The following UBR4 variants were observed in gnomAD, a reference collection of about 807,000 sequenced individuals.
The protein encoded by UBR4 is E3 ubiquitin-protein ligase UBR4.
In UBR4, 124 loss-of-function variants were observed where a neutral mutation model predicts 575.6. That is an observed-to-expected ratio of 0.22 (90% CI 0.19 to 0.25). The LOEUF (loss-of-function observed/expected upper bound fraction) is 0.25. Ranked by LOEUF, UBR4 falls within the 10% of genes least tolerant of loss-of-function variation. The pLI, the probability that UBR4 is intolerant of heterozygous loss-of-function variation, is 1.00. For synonymous variants in UBR4, 2,455 were observed against 2,473.7 expected (o/e 0.99, Z 0.22); for missense variants, 4,818 against 6,478.8 (o/e 0.74, Z 8.80).
intron 2 of UBR4, among the ~76,000 whole-genome samples, chr1:19,200,967 G>C (rs2092715598): frequency 6.6e-6 from 1 of 152,130 alleles, no homozygotes; most frequent in Non-Finnish European, 1.5e-5. Context: ...AACATAGAGA[G>C]ACCCTGTCAC....
At chr1:19,122,074 C>T (rs1047994960) in intron 66 of UBR4, 62 bp from the exon 67 acceptor site, 3 of 1,532,510 alleles carry the variant, frequency 2.0e-6, no homozygotes, top group Admixed American at 1.7e-5. Flanking sequence ...ACAAGCACCA[C>T]ACCTGCTGCC....
chr1:19,126,739 C>T, intron 63 of UBR4, 84 bp from the exon 64 acceptor site: 1 of 1,396,376 alleles, frequency 7.2e-7, no homozygotes, highest in Non-Finnish European at 1.0e-6. Flanking sequence ...GGATGGGAAA[C>T]ACACTCACAA....
intron 87 of UBR4, among the ~76,000 whole-genome samples, chr1:19,103,622 G>A (rs754084331): frequency 9.2e-5 from 14 of 152,138 alleles, no homozygotes; most frequent in African/African-American, 3.1e-4. Context: ...AATTCAACAG[G>A]TAGATTAAAC....
Position 19,119,599 on chromosome 1 carries a change from T to A in UBR4, c.10413A>T (p.Leu3471=). 1 of 1,614,084 alleles carries A rather than the reference T, an allele frequency of 6.2e-7. No homozygotes were observed. The highest frequency in any genetic ancestry group is 8.5e-7 in the Non-Finnish European group (1 of 1,179,920). Residue 3471 remains leucine (L), a synonymous_variant, in exon 70 of 106, where the codon CTA becomes CTT. Transcript: ENST00000375254. ...GAGTTTTCAGGGAGAAATATCCTAG[T>A]AGGTCCACAAACTGGGCAGCCTTAC... is the stretch of plus-strand genomic sequence containing the variant. ...YGRKAAQFVD[L]LGYFSLKTPQ... is the part of the protein sequence containing the mutation.
chr1:19,195,674 T>C (rs1386246349), intron 8 of UBR4, among the ~76,000 whole-genome samples: 1 of 152,186 alleles, frequency 6.6e-6, no homozygotes, highest in Non-Finnish European at 1.5e-5. Context: ...TTTCTACTCT[T>C]AATGCTGCTG....
At position 19,105,802 on chromosome 1, in the gene UBR4, G is replaced by A. The variant is rs757821557; in HGVS notation, c.12434C>T (p.Ala4145Val). ...GGCTAGAGCTTCCACAATGGTACAG[G>A]CTGCCTGCCGTGCGGCCTGCGTTGC... ...TPATQAARQA[A>V]CTIVEALATI... The change falls in exon 84 of 106, where the codon GCC becomes GTC. Residue 4145 changes from alanine to valine, a missense_variant. Physicochemically the swap from Ala to Val is moderately conservative, Grantham distance 64. This residue lies in a region of UBR4 where 178 missense variants were observed against 175.5 expected (regional missense o/e 1.01). Transcript: ENST00000375254. 3 of 1,610,464 alleles carry A rather than the reference G, an allele frequency of 1.9e-6. No individual in the cohort carries two copies. The highest frequency in any genetic ancestry group is 2.2e-5 in the East Asian group (1 of 44,516).
intron 8 of UBR4, among the ~76,000 whole-genome samples, chr1:19,193,955 T>C (rs1049261605): frequency 6.6e-6 from 1 of 152,186 alleles, no homozygotes; most frequent in Non-Finnish European, 1.5e-5. Flanking sequence ...ATCCTGCTTA[T>C]TGTATGATTC....
intron 92 of UBR4, 184 bp from the exon 93 acceptor site, chr1:19,095,836 G>A: frequency 1.8e-6 from 1 of 561,612 alleles, no homozygotes; most frequent in Middle Eastern, 4.7e-4. Flanking sequence ...TCTCACATTA[G>A]GCTGGTAGCT....
intron 60 of UBR4, among the ~76,000 whole-genome samples, chr1:19,134,615 T>C (rs2082978581): frequency 6.6e-6 from 1 of 152,188 alleles, no homozygotes; most frequent in African/African-American, 2.4e-5. Flanking sequence ...CAACTTGACC[T>C]TCTGGCTGCC....
intron 1 of UBR4, among the ~76,000 whole-genome samples, chr1:19,209,180 C>A (rs942621272): frequency 6.6e-6 from 1 of 152,174 alleles, no homozygotes; most frequent in African/African-American, 2.4e-5. Flanking sequence ...CATCGTGAAG[C>A]TAAAATGACC....
Position 19,106,675 on chromosome 1 carries a change from T to C in UBR4, c.12287A>G (p.Tyr4096Cys). 3.1e-6 allele frequency: 5 copies of C among 1,610,122 alleles called. No individual in the cohort carries two copies. Among genetic ancestry groups the C allele is most frequent in the Non-Finnish European group, 3.4e-6 (4 of 1,177,858 alleles). Residue 4096 changes from tyrosine to cysteine, a missense_variant, in exon 83 of 106, where the codon TAT becomes TGT. Physicochemically the swap from Tyr to Cys is radical, Grantham distance 194 (BLOSUM62 -2). Transcript: ENST00000375254. ...APSKSELRHL[Y>C]LTEKYVWRWK... ...CCTCCACACATACTTCTCAGTCAAATAGAGATGGCGGAGCTCTGATTTGCT... is the reference window on the plus strand; with the variant it reads ...CCTCCACACATACTTCTCAGTCAAACAGAGATGGCGGAGCTCTGATTTGCT...
At chr1:19,098,738 AT>A (rs2078312456) in intron 90 of UBR4, among the ~76,000 whole-genome samples, 1 of 152,232 alleles carries the variant, frequency 6.6e-6, no homozygotes, top group Admixed American at 6.5e-5. Context: ...TATGTAACAA[AT>A]TGAAGATCAA....
At chr1:19,142,572 T>C (rs1302078640) in intron 55 of UBR4, among the ~76,000 whole-genome samples, 1 of 152,220 alleles carries the variant, frequency 6.6e-6, no homozygotes, top group Non-Finnish European at 1.5e-5. Context: ...GTCACAAAGT[T>C]GTGTACAATC....
intron 55 of UBR4, among the ~76,000 whole-genome samples, chr1:19,143,582 T>C (rs1476235151): frequency 6.6e-6 from 1 of 152,248 alleles, no homozygotes; most frequent in African/African-American, 2.4e-5. Context: ...GGACATTTAA[T>C]GAAGAGCTTC....
chr1:19,095,047 T>C (rs371789900), intron 93 of UBR4, 22 bp from the exon 94 acceptor site: 4 of 1,613,994 alleles, frequency 2.5e-6, no homozygotes, highest in Non-Finnish European at 3.4e-6. Flanking sequence ...GGAGACTCAG[T>C]CACTCTCAGA....
intron 17 of UBR4, among the ~76,000 whole-genome samples, chr1:19,180,355 AT>A (rs1571533733): frequency 6.6e-6 from 1 of 151,864 alleles, no homozygotes; most frequent in African/African-American, 2.4e-5. Context: ...TGCCTGGCTA[AT>A]TTTTTTATTT....
chr1:19,202,868 C>T (rs1018175686), intron 1 of UBR4, among the ~76,000 whole-genome samples: 8 of 151,994 alleles, frequency 5.3e-5, no homozygotes, highest in African/African-American at 1.4e-4. Context: ...AGGTGGATGA[C>T]GAGATCAGGA....
chr1:19,146,908 C>T lies in UBR4; in HGVS notation c.7722G>A (p.Val2574=). 6.2e-7 allele frequency: 1 copy of T among 1,614,170 alleles called. No homozygotes were observed. The highest frequency in any genetic ancestry group is 1.1e-5 in the South Asian group (1 of 91,074). The change falls in exon 52 of 106, where the codon GTG becomes GTA. Residue 2574 remains valine (V), a synonymous_variant. Coordinates refer to ENST00000375254, the MANE Select transcript of UBR4 (RefSeq NM_020765.3). ...DLDPEVFQRL[V]ITARSIAIMR... ...TGATGGCAATGGAGCGAGCTGTGATCACTAGCCTCTGGAACACCTCAGGGT... is the reference window on the plus strand; with the variant it reads ...TGATGGCAATGGAGCGAGCTGTGATTACTAGCCTCTGGAACACCTCAGGGT...
intron 7 of UBR4, 34 bp from the exon 8 acceptor site, chr1:19,197,299 A>C: frequency 6.2e-7 from 1 of 1,613,532 alleles, no homozygotes; most frequent in Non-Finnish European, 8.5e-7. Flanking sequence ...AGTGTCTCTT[A>C]GAATCATTCA....
Sources: gnomAD v4.1 joint callset for allele counts (sites outside exome capture counted in the v4.1 genomes callset) on GRCh38, gnomAD v4.1.1 for gene constraint, gnomAD v4.1.1 regional missense constraint, MANE v1.5 for transcripts, NCBI Gene and HGNC (gene_info 2026-07-23, HGNC 2026-07-21) for gene names.